CNTN5: variants seen among roughly 807,000 people sequenced by gnomAD.
The protein encoded by CNTN5 is contactin-5.
In CNTN5, 77 loss-of-function variants were observed where a neutral mutation model predicts 129.1. The ratio of observed to expected loss-of-function variants is 0.60; its 90% CI spans 0.50 to 0.72. The LOEUF is 0.72. Ranked by LOEUF, CNTN5 falls within the 30% of genes least tolerant of loss-of-function variation. The pLI is 0.00. For synonymous variants in CNTN5, 509 were observed against 465.6 expected, an observed-to-expected ratio of 1.09 and a Z score of -1.20; for missense variants, 1,478 against 1,328.8, an observed-to-expected ratio of 1.11 and a Z score of -1.75.
At chr11:100,020,097 T>C (rs1489411578) in intron 9 of CNTN5, among the ~76,000 whole-genome samples, 2 of 152,068 alleles carry the variant, frequency 1.3e-5, no homozygotes, top group Non-Finnish European at 2.9e-5. Context: ...TCCTTTTCAC[T>C]CTGTTGATTG....
At chr11:99,726,206 C>G (rs1468995351) in intron 3 of CNTN5, among the ~76,000 whole-genome samples, 1 of 152,166 alleles carries the variant, frequency 6.6e-6, no homozygotes, top group Non-Finnish European at 1.5e-5. Context: ...CCCAAAGAGT[C>G]CTAAGACAGT....
intron 1 of CNTN5, among the ~76,000 whole-genome samples, chr11:99,257,544 A>AT (rs1407053383): frequency 6.6e-6 from 1 of 151,910 alleles, no homozygotes. Flanking sequence ...ATATTCATTG[A>AT]TTTTTTTAAT....
At chr11:100,344,965 T>G (rs975534113) in intron 23 of CNTN5, among the ~76,000 whole-genome samples, 18 of 152,220 alleles carry the variant, frequency 1.2e-4, no homozygotes, top group African/African-American at 4.1e-4. Context: ...TTATAAAATT[T>G]TAAAGCTTAT....
chr11:99,740,325 C>T (rs1379712523), intron 3 of CNTN5, among the ~76,000 whole-genome samples: 1 of 151,910 alleles, frequency 6.6e-6, no homozygotes, highest in Non-Finnish European at 1.5e-5. Context: ...AGAGTAGTTG[C>T]ATGGAACAAA....
At chr11:100,032,358 T>C (rs1275188535) in intron 9 of CNTN5, among the ~76,000 whole-genome samples, 1 of 152,120 alleles carries the variant, frequency 6.6e-6, no homozygotes, top group Non-Finnish European at 1.5e-5. Flanking sequence ...TAAATATTAT[T>C]ATCAATTTCA....
chr11:99,072,644 AT>A (rs1210105986), intron 1 of CNTN5, among the ~76,000 whole-genome samples: 1 of 151,962 alleles, frequency 6.6e-6, no homozygotes. Flanking sequence ...GAATAATACA[AT>A]TTTTCATGTT....
chr11:99,813,524 G>A (rs1439877571), intron 3 of CNTN5, among the ~76,000 whole-genome samples: 1 of 152,126 alleles, frequency 6.6e-6, no homozygotes, highest in Non-Finnish European at 1.5e-5. Flanking sequence ...CTAAAAGTAG[G>A]AGTTTAAAAG....
intron 1 of CNTN5, among the ~76,000 whole-genome samples, chr11:99,063,364 A>G (rs1313360691): frequency 1.3e-5 from 2 of 152,104 alleles, no homozygotes; most frequent in African/African-American, 4.8e-5. Context: ...TCAAAGAACC[A>G]GGATGAAATA....
chr11:99,847,493 C>T (rs562258257), intron 6 of CNTN5, among the ~76,000 whole-genome samples: 22 of 152,304 alleles, frequency 1.4e-4, no homozygotes, highest in African/African-American at 5.3e-4. Flanking sequence ...CCTTATGACT[C>T]TGCCCCTCTC....
chr11:99,058,733 T>G (rs1449690517), intron 1 of CNTN5, among the ~76,000 whole-genome samples: 1 of 151,634 alleles, frequency 6.6e-6, no homozygotes, highest in Non-Finnish European at 1.5e-5. Flanking sequence ...AAGTCTTCCT[T>G]CATTGTCATT....
At chr11:99,787,748 AAT>A (rs1353243212) in intron 3 of CNTN5, among the ~76,000 whole-genome samples, 1 of 152,038 alleles carries the variant, frequency 6.6e-6, no homozygotes, top group East Asian at 1.9e-4. Flanking sequence ...ACCAGAAAAA[AAT>A]ATATCAGACA....
chr11:99,232,208 G>A (rs1159935813), intron 1 of CNTN5, among the ~76,000 whole-genome samples: 1 of 152,056 alleles, frequency 6.6e-6, no homozygotes, highest in Non-Finnish European at 1.5e-5. Context: ...TCGTTTAATG[G>A]GAATCGCACT....
chr11:99,686,248 C>G (rs1953786770), intron 3 of CNTN5, among the ~76,000 whole-genome samples: 1 of 152,054 alleles, frequency 6.6e-6, no homozygotes, highest in South Asian at 2.1e-4. Context: ...TCCTGCGTCT[C>G]TAATGCTTAT....
Position 100,211,489 on chromosome 11 carries a change from G to A in CNTN5, c.1885-13203G>A, listed in dbSNP as rs540718959. On this transcript the variant is annotated intron_variant, in intron 15 of 24. Coordinates refer to ENST00000524871, the MANE Select transcript of CNTN5 (RefSeq NM_014361.4). Reference sequence around the variant, plus strand: ...GATATTGGGAAAAAAAAAAAGTGGGGATTTTTTTTTACCAATGTCTTGGGA... The same window carrying A: ...GATATTGGGAAAAAAAAAAAGTGGGAATTTTTTTTTACCAATGTCTTGGGA... 1.6e-4 allele frequency among the ~76,000 whole-genome samples: 25 copies of A among 152,112 alleles called. No homozygotes were observed. In the South Asian group the frequency reaches 5.0e-3, roughly 30 times the overall value.
intron 3 of CNTN5, among the ~76,000 whole-genome samples, chr11:99,685,691 T>C (rs1386259677): frequency 6.6e-6 from 1 of 152,032 alleles, no homozygotes; most frequent in African/African-American, 2.4e-5. Context: ...GTGAATAATT[T>C]CATCTTTGAT....
chr11:100,351,753 C>G (rs764631676), intron 24 of CNTN5, among the ~76,000 whole-genome samples: 2 of 149,686 alleles, frequency 1.3e-5, no homozygotes, highest in Non-Finnish European at 3.0e-5. Flanking sequence ...TTCTCATGTA[C>G]AATTAGTGGG....
At chr11:99,739,466 CAA>C (rs759736044) in intron 3 of CNTN5, among the ~76,000 whole-genome samples, 7 of 151,948 alleles carry the variant, frequency 4.6e-5, no homozygotes, top group South Asian at 2.1e-4. Flanking sequence ...TTATCTGAAA[CAA>C]AGATCAGGCT....
intron 2 of CNTN5, among the ~76,000 whole-genome samples, chr11:99,350,517 A>T (rs1282359970): frequency 6.6e-6 from 1 of 152,200 alleles, no homozygotes; most frequent in Non-Finnish European, 1.5e-5. Context: ...GAATAACCAA[A>T]GAAAGTTTAT....
chr11:99,029,540 G>A (rs1454308395), intron 1 of CNTN5, among the ~76,000 whole-genome samples: 2 of 152,074 alleles, frequency 1.3e-5, no homozygotes, highest in Admixed American at 6.6e-5. Context: ...TCATTGTGGT[G>A]ATGGATTAAA....
Sources: gnomAD v4.1 joint callset for allele counts (sites outside exome capture counted in the v4.1 genomes callset) on GRCh38, gnomAD v4.1.1 for gene constraint, MANE v1.5 for transcripts, NCBI Gene and HGNC (gene_info 2026-07-23, HGNC 2026-07-21) for gene names.